The following TNS1 variants were observed in gnomAD, a reference collection of about 807,000 sequenced individuals.
TNS1 encodes the protein tensin-1.
TNS1 carries 62 observed loss-of-function variants against 168.6 expected under a neutral mutation model. That is an observed-to-expected ratio of 0.37 (90% confidence interval 0.30 to 0.45). The LOEUF (loss-of-function observed/expected upper bound fraction) is 0.45. TNS1 is among the 20% of genes least tolerant of loss of function. The probability of loss-of-function intolerance (pLI) is 1.00; values close to 1 mark genes in which losing one functional copy is unlikely to be tolerated. For synonymous variants in TNS1, 934 were observed against 933.2 expected (o/e 1.00, Z -0.02); for missense variants, 2,240 against 2,339.4 (o/e 0.96, Z 0.88).
At chr2:217,879,069 C>T (rs1231959779) in intron 18 of TNS1, among the ~76,000 whole-genome samples, 2 of 152,130 alleles carry the variant, frequency 1.3e-5, no homozygotes, top group East Asian at 1.9e-4. Context: ...GAGGGGGAGC[C>T]GCTCTCGGCT....
intron 1 of TNS1, among the ~76,000 whole-genome samples, chr2:218,022,767 G>C (rs998236487): frequency 1.3e-5 from 2 of 151,626 alleles, no homozygotes; most frequent in Non-Finnish European, 2.9e-5. Context: ...TTAGGGGGAA[G>C]GGGCAGCAGG....
intron 19 of TNS1, among the ~76,000 whole-genome samples, chr2:217,847,288 G>T (rs556226267): frequency 3.3e-5 from 5 of 152,326 alleles, no homozygotes; most frequent in African/African-American, 1.2e-4. Context: ...TTTCTTGAGG[G>T]CAGGAATTGC....
chr2:217,850,741 C>T lies in TNS1; in HGVS notation c.1430-1654G>A, dbSNP rs73076305. ...ACCAGCAGTCACACACCGAGCCAGA[C>T]AAAAAGACAGTAAGAGATCACCCAA... On this transcript the variant is annotated intron_variant, in intron 18 of 32. Coordinates refer to ENST00000682258, the MANE Select transcript of TNS1 (RefSeq NM_001387777.1). Among the ~76,000 whole-genome samples the T allele has an allele frequency of 1.0e-2, 1,517 of 152,196 alleles. 25 individuals are homozygous for T. Among genetic ancestry groups the T allele is most frequent in the African/African-American group, 0.035 (1,440 of 41,504 alleles).
intron 3 of TNS1, among the ~76,000 whole-genome samples, chr2:217,970,873 G>T (rs1431385569): frequency 6.6e-6 from 1 of 151,888 alleles, no homozygotes; most frequent in Non-Finnish European, 1.5e-5. Context: ...GGCGTATTGT[G>T]TGGTATGTGA....
At chr2:217,842,928 T>C (rs1389365180) in intron 19 of TNS1, among the ~76,000 whole-genome samples, 1 of 152,156 alleles carries the variant, frequency 6.6e-6, no homozygotes, top group East Asian at 1.9e-4. Flanking sequence ...CACTGCTTTA[T>C]CTCAATGGCA....
intron 1 of TNS1, among the ~76,000 whole-genome samples, chr2:218,031,401 G>A (rs1958898370): frequency 6.6e-6 from 1 of 150,968 alleles, no homozygotes; most frequent in Non-Finnish European, 1.5e-5. Context: ...TCTTGTGTGA[G>A]TGTGTGAGTG....
chr2:217,951,787 G>A (rs541859365), intron 3 of TNS1, among the ~76,000 whole-genome samples: 8 of 152,236 alleles, frequency 5.3e-5, no homozygotes, highest in African/African-American at 1.2e-4. Context: ...ACACAGCCAC[G>A]CAATCACTGG....
intron 18 of TNS1, among the ~76,000 whole-genome samples, chr2:217,849,434 A>G (rs1403718665): frequency 6.6e-6 from 1 of 152,244 alleles, no homozygotes; most frequent in Non-Finnish European, 1.5e-5. Context: ...CTCCTGGTCC[A>G]TAAAATGGGG....
chr2:217,898,100 C>T (rs1952518411), intron 7 of TNS1, 131 bp from the exon 8 acceptor site: 2 of 1,117,498 alleles, frequency 1.8e-6, no homozygotes, highest in South Asian at 2.1e-5. Flanking sequence ...TGCTCTTCAA[C>T]CCAAGGCCAA....
intron 18 of TNS1, chr2:217,850,609 A>G (rs1947342364): frequency 2.0e-6 from 2 of 977,132 alleles, no homozygotes; most frequent in African/African-American, 1.8e-5. Flanking sequence ...ACACACACAC[A>G]CACACACACA....
In TNS1 at chr2:217,804,395, A is replaced by G. The variant is rs374983788; in HGVS notation, c.*64T>C. On this transcript the variant is annotated 3_prime_UTR_variant, in exon 33 of 33. Transcript: ENST00000682258. The stretch of plus-strand genomic sequence containing the variant: ...CCTTCTGGGTTCAAGAGTGGTCAGG[A>G]TTCATGGGTCCCCTCCCCACAAGCC... 46 of 1,599,736 alleles carry G rather than the reference A, an allele frequency of 2.9e-5. No individual in the cohort carries two copies. The East Asian group carries it at 6.0e-4, about 21-fold the overall frequency.
chr2:217,866,249 G>C (rs959574606), intron 18 of TNS1, among the ~76,000 whole-genome samples: 1 of 152,212 alleles, frequency 6.6e-6, no homozygotes, highest in African/African-American at 2.4e-5. Flanking sequence ...ATTTTGGACA[G>C]GCCTCAGTTT....
At chr2:218,027,627 A>G (rs909002005) in intron 1 of TNS1, among the ~76,000 whole-genome samples, 52 of 152,006 alleles carry the variant, frequency 3.4e-4, no homozygotes, top group Admixed American at 3.1e-3. Context: ...GATGTGTTGG[A>G]CCCTCTGCCT....
chr2:217,976,066 T>G (rs1957886940), intron 3 of TNS1, among the ~76,000 whole-genome samples: 1 of 152,184 alleles, frequency 6.6e-6, no homozygotes, highest in African/African-American at 2.4e-5. Context: ...CATCATCATC[T>G]GGGTCCCACC....
At chr2:218,015,088 C>T (rs1019408500), upstream of TNS1, among the ~76,000 whole-genome samples, 1 of 152,192 alleles carries the variant, frequency 6.6e-6, no homozygotes, top group African/African-American at 2.4e-5. Flanking sequence ...CCACTCCACA[C>T]ACCCCCTGGT....
At chr2:217,993,298 G>A (rs1488599521) in intron 1 of TNS1, among the ~76,000 whole-genome samples, 4 of 152,180 alleles carry the variant, frequency 2.6e-5, no homozygotes, top group African/African-American at 7.2e-5. Flanking sequence ...AGATACTTAC[G>A]TCATCTCCAA....
intron 1 of TNS1, among the ~76,000 whole-genome samples, chr2:218,016,107 G>A (rs1386502492): frequency 6.6e-6 from 1 of 152,096 alleles, no homozygotes; most frequent in African/African-American, 2.4e-5. Context: ...ATCAGCACTA[G>A]CTAATACAAT....
At chr2:217,895,082 ATGAGGAGGTGAGGG>A in intron 8 of TNS1, 26 bp from the exon 9 acceptor site, 1 of 1,603,526 alleles carries the variant, frequency 6.2e-7, no homozygotes, top group Non-Finnish European at 8.5e-7. Context: ...GGAAGAGAGC[ATGAGGAGGTGAGGG>A]TGAGGAGGGC....
intron 3 of TNS1, among the ~76,000 whole-genome samples, chr2:217,929,081 C>G (rs1307895903): frequency 6.6e-6 from 1 of 152,072 alleles, no homozygotes; most frequent in Admixed American, 6.5e-5. Flanking sequence ...CTGACAACAA[C>G]AAGGGGAACT....
Sources: allele counts gnomAD v4.1 joint callset (sites outside exome capture counted in the v4.1 genomes callset), GRCh38; gene constraint gnomAD v4.1.1; transcripts MANE v1.5; gene names NCBI Gene and HGNC (gene_info 2026-07-23, HGNC 2026-07-21).